Variants in CUL7 observed in about 807,000 individuals in gnomAD.
CUL7 encodes the protein cullin-7.
A neutral mutation model predicts 177.7 loss-of-function variants in CUL7; 96 were observed. That is an observed-to-expected ratio of 0.54 (90% confidence interval 0.46 to 0.64). The LOEUF (loss-of-function observed/expected upper bound fraction) is 0.64. CUL7 is among the 30% of genes least tolerant of loss of function. The pLI is 0.00. For synonymous variants in CUL7, 824 were observed against 890.2 expected (o/e 0.93, Z 1.32); for missense variants, 1,893 against 2,187.9 (o/e 0.87, Z 2.69).
At chr6:43,038,121 G>A (rs888873952) in intron 25 of CUL7, 110 bp from the exon 26 acceptor site, 48 of 1,494,184 alleles carry the variant, frequency 3.2e-5, no homozygotes, top group South Asian at 3.7e-5. Context: ...CCAAGGACAC[G>A]AGGTACATCC....
At chr6:43,039,108 T>G (rs1018837222) in intron 22 of CUL7, 121 bp from the exon 23 acceptor site, 2 of 707,690 alleles carry the variant, frequency 2.8e-6, no homozygotes, top group Non-Finnish European at 5.0e-6. Context: ...CCAGCATTTA[T>G]GGACACTGGG....
At chr6:43,049,825 A>C in intron 6 of CUL7, 138 bp downstream of exon 6, 1 of 1,339,200 alleles carries the variant, frequency 7.5e-7, no homozygotes, top group South Asian at 1.2e-5. Flanking sequence ...CCCACCTCTG[A>C]AAATTCCAGA....
chr6:43,046,180 A>T, intron 12 of CUL7, 56 bp downstream of exon 12: 1 of 1,613,472 alleles, frequency 6.2e-7, no homozygotes, highest in Non-Finnish European at 8.5e-7. Flanking sequence ...AAACAAACAC[A>T]GGGGCGTCAC....
In CUL7 at chr6:43,053,749, G is replaced by T; in HGVS notation, c.-136C>A. The T allele has an allele frequency of 1.3e-6, 2 of 1,495,296 alleles. No individual in the cohort carries two copies. Among genetic ancestry groups the T allele is most frequent in the Non-Finnish European group, 1.8e-6 (2 of 1,124,750 alleles). The allele number at this position is 1,495,296 out of a possible 1,614,324, so 92.6% of individuals were successfully genotyped here. A position where few individuals can be genotyped will look rare whatever the true frequency, so the allele number is the denominator to read the frequency against. On this transcript the variant is annotated 5_prime_UTR_variant, in exon 1 of 26. Coordinates refer to ENST00000265348, the MANE Select transcript of CUL7 (RefSeq NM_014780.5). The surrounding 1 kb of genome is among the most constrained non-coding windows in gnomAD (Gnocchi z 4.1). ...GGGGGTCGAGACGGAGAGACGGGAGGGGGCGTGCCTCCGCGGAACAGAGCT... is the reference window on the plus strand; with the variant it reads ...GGGGGTCGAGACGGAGAGACGGGAGTGGGCGTGCCTCCGCGGAACAGAGCT...
chr6:43,044,623 T>C, intron 16 of CUL7, 129 bp downstream of exon 16: 5 of 1,321,058 alleles, frequency 3.8e-6, no homozygotes, highest in Non-Finnish European at 5.1e-6. Flanking sequence ...AAGACAGCAC[T>C]GGGATTACAA....
At position 43,038,120 on chromosome 6, in the gene CUL7, C is replaced by T. The variant is rs1763105157; in HGVS notation, c.4774-109G>A. 41 of 1,495,090 alleles carry T rather than the reference C, an allele frequency of 2.7e-5. 1 individual carries two copies. Among genetic ancestry groups the T allele is most frequent in the Admixed American group, 4.0e-5 (2 of 50,560 alleles). 92.6% of individuals were successfully genotyped at this position (1,495,090 alleles called of 1,614,324 possible). A position where few individuals can be genotyped will look rare whatever the true frequency, so the allele number is the denominator to read the frequency against. ...GCTAGGACAGGATGCCCCAAGGACA[C>T]GAGGTACATCCCGACCTCACTCCTC... On this transcript the variant is annotated intron_variant, in intron 25 of 25. Coordinates refer to ENST00000265348, the MANE Select transcript of CUL7 (RefSeq NM_014780.5).
In CUL7 at chr6:43,050,548, A is replaced by C; in HGVS notation, c.1234-150T>G. On this transcript the variant is annotated intron_variant, in intron 4 of 25. Transcript: ENST00000265348. The surrounding 1 kb of genome is among the most constrained non-coding windows in gnomAD (Gnocchi z 4.1). ...ATAACAAAACAGCAGCATATGGAGAATACACACACACACACACACACACAC... is the reference window on the plus strand; with the variant it reads ...ATAACAAAACAGCAGCATATGGAGACTACACACACACACACACACACACAC... 1 of 488,282 alleles carries C rather than the reference A, an allele frequency of 2.0e-6. No individual in the cohort carries two copies. The allele number at this position is 488,282 out of a possible 1,614,324, so 30.2% of individuals were successfully genotyped here.
rs756674731 is a variant in CUL7 at position 43,051,465 on chromosome 6, G to A, written c.736C>T (p.Pro246Ser). The change falls in exon 4 of 26, where the codon CCA becomes TCA. Residue 246 changes from proline (P) to serine (S), a missense_variant. Around this residue, in one of 5 missense-constraint regions of CUL7, gnomAD observed 653 missense variants for 725.2 expected, o/e 0.90. Coordinates refer to ENST00000265348, the MANE Select transcript of CUL7 (RefSeq NM_014780.5). This position sits in a 1 kb window ranked among gnomAD's most constrained non-coding sequence, Gnocchi z 5.0. ...ACCAGGGAGAAGAGCACCCTTCCTG[G>A]GACCTGTGGGATACAACCTTTGGCC... Reference protein sequence around the residue: ...SFEGIQLPQVPGRVLFSLVKR... With the variant: ...SFEGIQLPQVSGRVLFSLVKR... 20 of 1,613,926 alleles carry A rather than the reference G, an allele frequency of 1.2e-5. No individual in the cohort carries two copies. The African/African-American group carries it at 1.5e-4, about 12-fold the overall frequency.
chr6:43,046,988 C>T lies in CUL7; in HGVS notation c.2289G>A (p.Leu763=), dbSNP rs1259749795. The change falls in exon 10 of 26, where the codon CTG becomes CTA. Residue 763 remains leucine, a synonymous_variant. Transcript: ENST00000265348. Reference sequence around the variant, plus strand: ...GCTCCTGAGCCAGCTCCAGCTTTCCCAGGTGCTTTTCCAGGGCCTTGGAGA... The same window carrying T: ...GCTCCTGAGCCAGCTCCAGCTTTCCTAGGTGCTTTTCCAGGGCCTTGGAGA... ...DAISKALEKH[L]GKLELAQELR... The T allele has an allele frequency of 2.5e-6, 4 of 1,613,394 alleles. No homozygotes were observed. The highest frequency in any genetic ancestry group is 2.5e-6 in the Non-Finnish European group (3 of 1,179,330).
Position 43,051,027 on chromosome 6 carries a change from TCTC to T in CUL7, c.1171_1173del (p.Glu391del), listed in dbSNP as rs372224208. ...AACTCGCCCTCATCCCCGGCACTGA[TCTC>T]CTCATAATCATCCAGCATCCGCACT... is the stretch of plus-strand genomic sequence containing the variant. On this transcript the variant is annotated inframe_deletion, in exon 4 of 26. Coordinates refer to ENST00000265348, the MANE Select transcript of CUL7 (RefSeq NM_014780.5). The surrounding 1 kb of genome is among the most constrained non-coding windows in gnomAD (Gnocchi z 5.0). 7,790 of 1,614,016 alleles carry T rather than the reference TCTC, an allele frequency of 4.8e-3. 24 individuals carry two copies. Among genetic ancestry groups the T allele is most frequent in the Non-Finnish European group, 5.5e-3 (6,519 of 1,179,994 alleles).
chr6:43,038,487 G>C lies in CUL7; in HGVS notation c.4568-15C>G, dbSNP rs761113499. On this transcript the variant is annotated splice_polypyrimidine_tract_variant and intron_variant, in intron 24 of 25. Coordinates refer to ENST00000265348, the MANE Select transcript of CUL7 (RefSeq NM_014780.5). ...CTTGAGGACCCCTGAAATAAATGCT[G>C]ATCACTCACTCAGTGGAGAGCCCAC... 1 of 1,613,962 alleles carries C rather than the reference G, an allele frequency of 6.2e-7. No individual in the cohort carries two copies. The highest frequency in any genetic ancestry group is 1.1e-5 in the South Asian group (1 of 91,078).
chr6:43,051,331 A>G lies in CUL7; in HGVS notation c.870T>C (p.Gly290=). ...SAPEELSGER[G]QLELEFSMAM... ...CCATACTGAACTCCAGCTCCAGTTG[A>G]CCCCTCTCCCCACTCAACTCCTCAG... Residue 290 remains glycine, a synonymous_variant, in exon 4 of 26, where the codon GGT becomes GGC. Transcript: ENST00000265348. The surrounding 1 kb of genome is among the most constrained non-coding windows in gnomAD (Gnocchi z 5.0). The G allele has an allele frequency of 6.2e-7, 1 of 1,609,924 alleles. No homozygotes were observed. Among genetic ancestry groups the G allele is most frequent in the Non-Finnish European group, 8.5e-7 (1 of 1,177,474 alleles).
At chr6:43,038,498 C>G in intron 24 of CUL7, 26 bp from the exon 25 acceptor site, 6 of 1,613,934 alleles carry the variant, frequency 3.7e-6, no homozygotes, top group Non-Finnish European at 5.1e-6. Context: ...ATCACTCACT[C>G]AGTGGAGAGC....
chr6:43,052,007 T>C lies in CUL7; in HGVS notation c.580+202A>G. On this transcript the variant is annotated intron_variant, in intron 2 of 25. Transcript: ENST00000265348. This position sits in a 1 kb window ranked among gnomAD's most constrained non-coding sequence, Gnocchi z 4.5. ...AAAGCAACTAATTAATATGAGGTTC[T>C]TGAAGATAGTCTTTCCTCTTTTGGC... The C allele has an allele frequency of 9.8e-7, 1 of 1,020,758 alleles. No homozygotes were observed. Among genetic ancestry groups the C allele is most frequent in the Non-Finnish European group, 1.4e-6 (1 of 707,326 alleles). 63.2% of individuals were successfully genotyped at this position (1,020,758 alleles called of 1,614,324 possible).
In CUL7 at chr6:43,051,148, G is replaced by C. The variant is rs1764367123; in HGVS notation, c.1053C>G (p.Phe351Leu). 2.5e-6 allele frequency: 4 copies of C among 1,614,108 alleles called. No individual in the cohort carries two copies. In the African/African-American group the frequency reaches 4.0e-5, roughly 16 times the overall value. The change falls in exon 4 of 26, where the codon TTC becomes TTG. Residue 351 changes from phenylalanine (F) to leucine (L), a missense_variant. Around this residue, in one of 5 missense-constraint regions of CUL7, gnomAD observed 653 missense variants for 725.2 expected, o/e 0.90. Transcript: ENST00000265348. This position sits in a 1 kb window ranked among gnomAD's most constrained non-coding sequence, Gnocchi z 5.0. ...GLPAAQAQPS[F>L]RRSRRFRPRS... ...GAGGGCGAAAACGTCTTGACCTCCTGAAGGAGGGCTGAGCCTGGGCAGCGG... is the reference window on the plus strand; with the variant it reads ...GAGGGCGAAAACGTCTTGACCTCCTCAAGGAGGGCTGAGCCTGGGCAGCGG...
In CUL7 at chr6:43,053,646, C is replaced by A. The variant is rs768029347; in HGVS notation, c.-33G>T. On this transcript the variant is annotated 5_prime_UTR_variant, in exon 1 of 26. Coordinates refer to ENST00000265348, the MANE Select transcript of CUL7 (RefSeq NM_014780.5). The surrounding 1 kb of genome is among the most constrained non-coding windows in gnomAD (Gnocchi z 4.1). ...CCTCAGAAGTCCACCGGGGTCCTGG[C>A]GCGAGGCCTGTCCTTCACAGAGCAA... 38 of 1,377,966 alleles carry A rather than the reference C, an allele frequency of 2.8e-5. No individual in the cohort carries two copies. The highest frequency in any genetic ancestry group is 3.3e-5 in the Non-Finnish European group (35 of 1,070,588). The allele number at this position is 1,377,966 out of a possible 1,614,324, so 85.4% of individuals were successfully genotyped here.
Position 43,052,667 on chromosome 6 carries a change from C to CTCA in CUL7, c.121_122insTGA (p.Arg41delinsLeuSer). The CTCA allele has an allele frequency of 1.2e-6, 2 of 1,614,190 alleles. No individual in the cohort carries two copies. Among genetic ancestry groups the CTCA allele is most frequent in the Non-Finnish European group, 1.7e-6 (2 of 1,180,048 alleles). ...ATCGCCACGCCGCAGGATGAGCCAA[C>CTCA]GGATCTGGTACTCAGGATGCCCATC... On this transcript the variant is annotated protein_altering_variant, in exon 2 of 26. Coordinates refer to ENST00000265348, the MANE Select transcript of CUL7 (RefSeq NM_014780.5). The surrounding 1 kb of genome is among the most constrained non-coding windows in gnomAD (Gnocchi z 4.5).
rs986695300 is a variant in CUL7 at position 43,049,405 on chromosome 6, A to T, written c.1825+2T>A. ...AGCTCAGCTGCTGTGTCTGGCACCCACCTTCCACTTTGGCTGCATCTTCTG... is the reference window on the plus strand; with the variant it reads ...AGCTCAGCTGCTGTGTCTGGCACCCTCCTTCCACTTTGGCTGCATCTTCTG... On this transcript the variant is annotated splice_donor_variant, in intron 7 of 25. Coordinates refer to ENST00000265348, the MANE Select transcript of CUL7 (RefSeq NM_014780.5). LOFTEE classifies it high-confidence loss of function. 1.9e-6 allele frequency: 3 copies of T among 1,614,042 alleles called. No individual in the cohort carries two copies. In the African/African-American group the frequency reaches 4.0e-5, roughly 22 times the overall value.
chr6:43,046,248 C>A lies in CUL7; in HGVS notation c.2648G>T (p.Gly883Val). ...SHYITLHMRR[G>V]ILIRQLTLLV... ...GTGGGAGAGTTACCTGATGAGGATG[C>A]CCCGGCGCATGTGCAGGGTGATGTA... Residue 883 changes from glycine to valine, a missense_variant, in exon 12 of 26, where the codon GGC becomes GTC. Gly to Val is a moderately radical substitution (Grantham distance 109). Transcript: ENST00000265348. The A allele has an allele frequency of 1.2e-6, 2 of 1,614,218 alleles. No individual in the cohort carries two copies. The highest frequency in any genetic ancestry group is 2.2e-5 in the East Asian group (1 of 44,878).
Sources: gnomAD v4.1 joint callset for allele counts on GRCh38, gnomAD v4.1.1 for gene constraint, gnomAD v4.1.1 regional missense constraint, Gnocchi (gnomAD v3.1) non-coding constraint, MANE v1.5 for transcripts, NCBI Gene and HGNC (gene_info 2026-07-23, HGNC 2026-07-21) for gene names.